The following TEKT3 variants were observed in gnomAD, a reference collection of about 807,000 sequenced individuals.
The protein encoded by TEKT3 is tektin-3.
TEKT3 carries 49 observed loss-of-function variants against 49.8 expected under a neutral mutation model. That is an observed-to-expected ratio of 0.98 (90% CI 0.78 to 1.25). The LOEUF (loss-of-function observed/expected upper bound fraction) is 1.25. Ranked by LOEUF, TEKT3 falls within the 50% of genes most tolerant of loss-of-function variation. The pLI is 0.00. For missense variants in TEKT3, 595 were observed against 629.5 expected (o/e 0.95, Z 0.59); for synonymous variants, 225 against 237.2 (o/e 0.95, Z 0.47).
At chr17:15,318,908 C>T (rs1319092816) in intron 5 of TEKT3, among the ~76,000 whole-genome samples, 169 bp downstream of exon 5, 1 of 152,146 alleles carries the variant, frequency 6.6e-6, no homozygotes, top group Non-Finnish European at 1.5e-5. Flanking sequence ...GTGTAAGAAT[C>T]ACATCAGAGT....
Position 15,304,209 on chromosome 17 carries a change from G to T in TEKT3, c.1257-57C>A. 6.4e-7 allele frequency: 1 copy of T among 1,559,426 alleles called. No individual in the cohort carries two copies. The highest frequency in any genetic ancestry group is 8.8e-7 in the Non-Finnish European group (1 of 1,132,622). On this transcript the variant is annotated intron_variant, in intron 8 of 8. Transcript: ENST00000395930. The surrounding 1 kb of genome is among the most constrained non-coding windows in gnomAD (Gnocchi z 4.7). The stretch of plus-strand genomic sequence containing the variant: ...CAGCATGTAGCTTACGCAACTCCAA[G>T]TACATCACATTGTAACCAGCGATGC...
chr17:15,309,657 C>A (rs1910688750), intron 7 of TEKT3, among the ~76,000 whole-genome samples: 1 of 151,998 alleles, frequency 6.6e-6, no homozygotes, highest in Non-Finnish European at 1.5e-5. Context: ...ATGTTTTTAC[C>A]ACCACTCTCC....
intron 4 of TEKT3, among the ~76,000 whole-genome samples, chr17:15,322,012 G>A (rs1421662865): frequency 6.6e-6 from 1 of 152,100 alleles, no homozygotes; most frequent in Non-Finnish European, 1.5e-5. Flanking sequence ...GGTCTTGGCT[G>A]GAACAGTGGC....
At chr17:15,326,937 G>A (rs1251720386) in intron 4 of TEKT3, among the ~76,000 whole-genome samples, 2 of 152,154 alleles carry the variant, frequency 1.3e-5, no homozygotes, top group African/African-American at 4.8e-5. Flanking sequence ...AGATGCAACT[G>A]TAAGTTTCTG....
chr17:15,322,288 A>C (rs1482591153), intron 4 of TEKT3, among the ~76,000 whole-genome samples: 1 of 152,258 alleles, frequency 6.6e-6, no homozygotes, highest in African/African-American at 2.4e-5. Context: ...CCTGGTTCAC[A>C]TGTCTTTGCT....
chr17:15,314,093 T>A lies in TEKT3; in HGVS notation c.872A>T (p.Asp291Val). The A allele has an allele frequency of 6.2e-7, 1 of 1,614,220 alleles. No individual in the cohort carries two copies. The highest frequency in any genetic ancestry group is 8.5e-7 in the Non-Finnish European group (1 of 1,180,040). ...TGGCGTGTGCCTGACTTACGTTGCA[T>A]CGACCCTCTCCACTCCGCGGAAGTA... is the stretch of plus-strand genomic sequence containing the variant. The part of the protein sequence containing the change: ...VGYFRGVERV[D>V]ATVSVPESWA... The change falls in exon 6 of 9, where the codon GAT (aspartate) becomes GTT (valine). Residue 291 changes from aspartate to valine, a missense_variant. Transcript: ENST00000395930.
At chr17:15,327,609 T>A (rs764698796) in intron 4 of TEKT3, among the ~76,000 whole-genome samples, 1 of 152,124 alleles carries the variant, frequency 6.6e-6, no homozygotes, top group Non-Finnish European at 1.5e-5. Flanking sequence ...AATACAATGA[T>A]CTGAATCTTG....
At chr17:15,342,947 A>C (rs1319931514), upstream of TEKT3, among the ~76,000 whole-genome samples, 1 of 152,104 alleles carries the variant, frequency 6.6e-6, no homozygotes, top group African/African-American at 2.4e-5. Context: ...TTTTTTTATT[A>C]CTTTTTTCTC....
At position 15,303,862 on chromosome 17, in the gene TEKT3, T is replaced by C. The variant is rs971945006; in HGVS notation, c.*74A>G. 1.5e-6 allele frequency: 2 copies of C among 1,354,760 alleles called. No individual in the cohort carries two copies. The highest frequency in any genetic ancestry group is 1.7e-5 in the Admixed American group (1 of 58,552). 83.9% of individuals were successfully genotyped at this position (1,354,760 alleles called of 1,614,324 possible). The stretch of plus-strand genomic sequence containing the variant: ...CTTTAATAAGTGACTATATTAGCAT[T>C]CGGTTCAAATGCTGAGACAGTGCTC... On this transcript the variant is annotated 3_prime_UTR_variant, in exon 9 of 9. Coordinates refer to ENST00000395930, the MANE Select transcript of TEKT3 (RefSeq NM_031898.3).
At chr17:15,327,912 A>C in intron 4 of TEKT3, 80 bp downstream of exon 4, 2 of 1,203,200 alleles carry the variant, frequency 1.7e-6, no homozygotes, top group East Asian at 4.7e-5. Flanking sequence ...ATTTTATGTA[A>C]CATCCTTTTT....
rs191367228 is a variant in TEKT3 at position 15,314,115 on chromosome 17, A to C, written c.850T>G (p.Phe284Val). ...LRNTSDGVGY[F>V]RGVERVDATV... is the part of the protein sequence containing the mutation. ...GCATCGACCCTCTCCACTCCGCGGA[A>C]GTAGCCGACACCGTCTGATGTGTTG... Residue 284 changes from phenylalanine to valine, a missense_variant, in exon 6 of 9, where the codon TTC (phenylalanine) becomes GTC (valine). Physicochemically the swap from Phe to Val is conservative, Grantham distance 50. Coordinates refer to ENST00000395930, the MANE Select transcript of TEKT3 (RefSeq NM_031898.3). 242 of 1,614,204 alleles carry C rather than the reference A, an allele frequency of 1.5e-4. No individual in the cohort carries two copies. The Admixed American group carries it at 3.9e-3, about 26-fold the overall frequency.
Position 15,308,458 on chromosome 17 carries a change from C to A in TEKT3, c.1256+206G>T, listed in dbSNP as rs3760305. ...ATTAAGTACATTCACACTGTTGGTG[C>A]AACCGTCACCGCCATCCATCTGCAG... is the stretch of plus-strand genomic sequence containing the variant. On this transcript the variant is annotated intron_variant, in intron 8 of 8. Coordinates refer to ENST00000395930, the MANE Select transcript of TEKT3 (RefSeq NM_031898.3). 5.2e-3 allele frequency among the ~76,000 whole-genome samples: 797 copies of A among 152,292 alleles called. 54 individuals carry two copies. In the East Asian group the frequency reaches 0.13, roughly 25 times the overall value.
chr17:15,305,892 A>T (rs1910524234), intron 8 of TEKT3, among the ~76,000 whole-genome samples: 2 of 151,964 alleles, frequency 1.3e-5, no homozygotes, highest in Non-Finnish European at 2.9e-5. Context: ...CACTTCTCTC[A>T]TCGTTAATTA....
At position 15,307,779 on chromosome 17, in the gene TEKT3, A is replaced by C. The variant is rs149638326; in HGVS notation, c.1256+885T>G. Among the ~76,000 whole-genome samples, 1,242 of 152,228 alleles carry C rather than the reference A, an allele frequency of 8.2e-3. 7 individuals carry two copies. The highest frequency in any genetic ancestry group is 0.014 in the Non-Finnish European group (966 of 68,012). On this transcript the variant is annotated intron_variant, in intron 8 of 8. Transcript: ENST00000395930. ...GCCCTTGGCTCCTCCAGTTGCTATC[A>C]AGTTGATTTACTTCTGCATGGAGCA...
At chr17:15,307,310 A>G (rs1250925684) in intron 8 of TEKT3, among the ~76,000 whole-genome samples, 1 of 152,188 alleles carries the variant, frequency 6.6e-6, no homozygotes, top group East Asian at 1.9e-4. Context: ...AGAGAAGCAA[A>G]TGGCTTGGTG....
chr17:15,323,456 C>T (rs560459481), intron 4 of TEKT3, among the ~76,000 whole-genome samples: 4 of 152,202 alleles, frequency 2.6e-5, no homozygotes, highest in Admixed American at 1.3e-4. Context: ...GGAGTCAGTA[C>T]GGTCTGGGAG....
chr17:15,319,185 T>C, intron 4 of TEKT3, 38 bp from the exon 5 acceptor site: 1 of 1,522,198 alleles, frequency 6.6e-7, no homozygotes, highest in Non-Finnish European at 9.0e-7. Context: ...ATGTTTTCAT[T>C]ATTGAATATA....
intron 4 of TEKT3, among the ~76,000 whole-genome samples, chr17:15,320,209 C>G (rs1597410263): frequency 6.6e-6 from 1 of 152,202 alleles, no homozygotes; most frequent in Non-Finnish European, 1.5e-5. Context: ...AAGCAGCAAA[C>G]CTGCCTAAAT....
At chr17:15,337,004 A>G (rs1333162345) in intron 2 of TEKT3, among the ~76,000 whole-genome samples, 3 of 152,316 alleles carry the variant, frequency 2.0e-5, no homozygotes, top group South Asian at 2.1e-4. Flanking sequence ...GCTAAAAATT[A>G]CTTTGCCAAA....
Sources: gnomAD v4.1 joint callset for allele counts (sites outside exome capture counted in the v4.1 genomes callset) on GRCh38, gnomAD v4.1.1 for gene constraint, Gnocchi (gnomAD v3.1) non-coding constraint, MANE v1.5 for transcripts, NCBI Gene and HGNC (gene_info 2026-07-23, HGNC 2026-07-21) for gene names.